The following PTPRS variants were observed in gnomAD, a reference collection of about 807,000 sequenced individuals.
PTPRS encodes the protein receptor-type tyrosine-protein phosphatase S.
In PTPRS, 63 loss-of-function variants were observed where a neutral mutation model predicts 215.3. The ratio of observed to expected loss-of-function variants is 0.29; its 90% CI spans 0.24 to 0.36. The LOEUF (loss-of-function observed/expected upper bound fraction) is 0.36. PTPRS is among the 10% of genes least tolerant of loss of function. The pLI is 1.00. For synonymous variants in PTPRS, 1,404 were observed against 1,191.4 expected (o/e 1.18, Z -3.68); for missense variants, 2,258 against 2,825.8 (o/e 0.80, Z 4.56).
intron 13 of PTPRS, 28 bp downstream of exon 13, chr19:5,238,891 G>A (rs1483199837): frequency 2.6e-6 from 4 of 1,563,306 alleles, no homozygotes; most frequent in African/African-American, 1.4e-5. Context: ...CCCTCCCGCA[G>A]AGAAGGGCGG....
In PTPRS at chr19:5,222,749, G is replaced by C; in HGVS notation, c.3043C>G (p.Arg1015Gly). ...GGGCTGAAGGGGCCAGGGCCCCGGC[G>C]CGTGTGGGCTCGCACTTGGAGGTCA... ...AYDLQVRAHT[R>G]RGPGPFSPPV... The change falls in exon 18 of 38, where the codon CGC becomes GGC. Residue 1015 changes from arginine (R) to glycine (G), a missense_variant. Around this residue, in one of 6 missense-constraint regions of PTPRS, gnomAD observed 361 missense variants for 332.6 expected, o/e 1.09. Transcript: ENST00000262963. 6.3e-7 allele frequency: 1 copy of C among 1,598,444 alleles called. No individual in the cohort carries two copies. The highest frequency in any genetic ancestry group is 8.5e-7 in the Non-Finnish European group (1 of 1,178,306).
Position 5,206,627 on chromosome 19 carries a change from G to A in PTPRS, c.*147C>T, listed in dbSNP as rs918013904. ...CCGGTGGGGGGGCTCGAGGGGCTGC[G>A]TCGTCCTCGGAAATGGTGCAGAAAC... On this transcript the variant is annotated 3_prime_UTR_variant, in exon 38 of 38. Coordinates refer to ENST00000262963, the MANE Select transcript of PTPRS (RefSeq NM_002850.4). 12 of 671,722 alleles carry A rather than the reference G, an allele frequency of 1.8e-5. No individual in the cohort carries two copies. Among genetic ancestry groups the A allele is most frequent in the Non-Finnish European group, 2.8e-5 (11 of 396,760 alleles). 41.6% of individuals were successfully genotyped at this position (671,722 alleles called of 1,614,324 possible). A position where few individuals can be genotyped will look rare whatever the true frequency, so the allele number is the denominator to read the frequency against.
intron 4 of PTPRS, among the ~76,000 whole-genome samples, chr19:5,269,921 C>CAAAAA (rs33953639): frequency 5.5e-4 from 45 of 82,536 alleles, no homozygotes; most frequent in Non-Finnish European, 8.6e-4. Context: ...AACTCCATCT[C>CAAAAA]AAAAAAAAAA....
chr19:5,264,976 G>A (rs755709310), intron 5 of PTPRS, 32 bp downstream of exon 5: 2 of 1,610,696 alleles, frequency 1.2e-6, no homozygotes, highest in Admixed American at 3.4e-5. Flanking sequence ...GCCCTCCAAG[G>A]CTCCCACGTC....
chr19:5,278,183 C>CA (rs397951131), intron 2 of PTPRS: 89,010 of 126,724 alleles, frequency 0.7, 32,281 homozygotes, highest in African/African-American at 0.75. Context: ...TAGAAACTGC[C>CA]AAAAAAAAAA....
intron 6 of PTPRS, among the ~76,000 whole-genome samples, chr19:5,261,739 G>C (rs1370103754): frequency 6.6e-6 from 1 of 152,194 alleles, no homozygotes; most frequent in Non-Finnish European, 1.5e-5. Flanking sequence ...ATGAGGCAGG[G>C]GTGGGCACTG....
chr19:5,328,593 A>T (rs2050233074), intron 1 of PTPRS, among the ~76,000 whole-genome samples: 1 of 152,184 alleles, frequency 6.6e-6, no homozygotes, highest in Non-Finnish European at 1.5e-5. Flanking sequence ...AGGGTGAGCA[A>T]GTAGCTGAGA....
chr19:5,227,560 A>G (rs2042610765), intron 16 of PTPRS, among the ~76,000 whole-genome samples: 1 of 151,938 alleles, frequency 6.6e-6, no homozygotes, highest in Non-Finnish European at 1.5e-5. Flanking sequence ...GATTACAGGC[A>G]TGCGCCACCA....
At chr19:5,272,467 A>C (rs898966728) in intron 4 of PTPRS, among the ~76,000 whole-genome samples, 1 of 151,362 alleles carries the variant, frequency 6.6e-6, no homozygotes, top group South Asian at 2.1e-4. Context: ...GCGTGGTGGC[A>C]TGTGCCTGTA....
rs1053857193 is a variant in PTPRS, at chr19:5,237,293, C to T, written c.1849+1626G>A. Among the ~76,000 whole-genome samples, 2 of 152,204 alleles carry T rather than the reference C, an allele frequency of 1.3e-5. No homozygotes were observed. Among genetic ancestry groups the T allele is most frequent in the Non-Finnish European group, 2.9e-5 (2 of 68,026 alleles). Reference sequence around the variant, plus strand: ...TTCAGCCTAAGGAGCCCGCAGTCCCCGGGGGGATGGATACGCCTGGCCCTG... The same window carrying T: ...TTCAGCCTAAGGAGCCCGCAGTCCCTGGGGGGATGGATACGCCTGGCCCTG... On this transcript the variant is annotated intron_variant, in intron 13 of 37. Coordinates refer to ENST00000262963, the MANE Select transcript of PTPRS (RefSeq NM_002850.4). The surrounding 1 kb of genome is among the most constrained non-coding windows in gnomAD (Gnocchi z 4.2).
chr19:5,337,037 C>T (rs945248050), intron 1 of PTPRS, among the ~76,000 whole-genome samples: 4 of 152,150 alleles, frequency 2.6e-5, no homozygotes, highest in African/African-American at 9.7e-5. Flanking sequence ...CCAGAAAGTA[C>T]GAGACCCTCC....
intron 4 of PTPRS, among the ~76,000 whole-genome samples, chr19:5,272,054 C>G (rs2146547153): frequency 6.6e-6 from 1 of 152,196 alleles, no homozygotes; most frequent in Non-Finnish European, 1.5e-5. Context: ...AAAATTGCAG[C>G]TCAGACAAGT....
chr19:5,245,515 A>G (rs1365135090), intron 10 of PTPRS, among the ~76,000 whole-genome samples: 2 of 151,710 alleles, frequency 1.3e-5, no homozygotes, highest in African/African-American at 2.4e-5. Context: ...CTGGTCTCAA[A>G]GTCCTGGGCT....
intron 1 of PTPRS, among the ~76,000 whole-genome samples, chr19:5,315,968 T>G: frequency 6.9e-6 from 1 of 144,480 alleles, no homozygotes; most frequent in Non-Finnish European, 1.5e-5. Context: ...GGGGCCGGGG[T>G]GGGGGGTGGT....
chr19:5,291,665 G>C (rs907613892), intron 1 of PTPRS, among the ~76,000 whole-genome samples: 1 of 151,952 alleles, frequency 6.6e-6, no homozygotes, highest in African/African-American at 2.4e-5. Context: ...TTCGCATGCA[G>C]GTCCCCCACC....
Position 5,286,086 on chromosome 19 carries a change from G to T in PTPRS, c.55C>A (p.Leu19Ile). The T allele has an allele frequency of 6.2e-7, 1 of 1,614,130 alleles. No homozygotes were observed. The highest frequency in any genetic ancestry group is 1.1e-5 in the South Asian group (1 of 91,088). ...MVSVVGPMGL[L>I]VVLLVGGCAA... ...CAGCCTCCAACGAGCAGGACCACAA[G>T]GAGGCCCATGGGACCAACCACAGAC... Residue 19 changes from leucine to isoleucine, a missense_variant, in exon 2 of 38, where the codon CTT (leucine) becomes ATT (isoleucine). Around this residue, in one of 6 missense-constraint regions of PTPRS, gnomAD observed 508 missense variants for 799.4 expected, o/e 0.64. Coordinates refer to ENST00000262963, the MANE Select transcript of PTPRS (RefSeq NM_002850.4).
At position 5,272,981 on chromosome 19, in the gene PTPRS, T is replaced by G. The variant is rs1375004078; in HGVS notation, c.379+461A>C. 3 of 193,518 alleles carry G rather than the reference T, an allele frequency of 1.6e-5. No homozygotes were observed. The East Asian group carries it at 4.2e-4, about 27-fold the overall frequency. 12.0% of individuals were successfully genotyped at this position (193,518 alleles called of 1,614,324 possible). On this transcript the variant is annotated intron_variant, in intron 4 of 37. Transcript: ENST00000262963. Reference sequence around the variant, plus strand: ...TTCAGGGAAGGGAATGGGATCCAAGTTCATTGGCAGTGGGGGAAGTCTCAC... The same window carrying G: ...TTCAGGGAAGGGAATGGGATCCAAGGTCATTGGCAGTGGGGGAAGTCTCAC...
intron 30 of PTPRS, among the ~76,000 whole-genome samples, chr19:5,212,866 C>T (rs950750848): frequency 2.0e-5 from 3 of 151,524 alleles, no homozygotes; most frequent in South Asian, 2.1e-4. Flanking sequence ...CCCATGTCTG[C>T]GCCTCCCAGT....
rs929766810 is a variant in PTPRS, at chr19:5,339,822, G to A, written c.-95+842C>T. 6.6e-6 allele frequency among the ~76,000 whole-genome samples: 1 copy of A among 151,798 alleles called. No homozygotes were observed. The highest frequency in any genetic ancestry group is 1.5e-5 in the Non-Finnish European group (1 of 67,840). ...ACCCGCGGGGCTGGCGGTTCCAGGG[G>A]CGGCTTCCCCACTCTCGGGATCCCC... On this transcript the variant is annotated intron_variant, in intron 1 of 37. Transcript: ENST00000262963. This position sits in a 1 kb window ranked among gnomAD's most constrained non-coding sequence, Gnocchi z 4.2.
Sources: gnomAD v4.1 joint callset for allele counts (sites outside exome capture counted in the v4.1 genomes callset) on GRCh38, gnomAD v4.1.1 for gene constraint, gnomAD v4.1.1 regional missense constraint, Gnocchi (gnomAD v3.1) non-coding constraint, MANE v1.5 for transcripts, NCBI Gene and HGNC (gene_info 2026-07-23, HGNC 2026-07-21) for gene names.